SEL1L3: variants seen among roughly 807,000 people sequenced by gnomAD.
SEL1L3 encodes the protein protein sel-1 homolog 3.
Under a neutral mutation model 142.8 loss-of-function variants are expected in SEL1L3, and 76 were observed. That is an observed-to-expected ratio of 0.53 (90% CI 0.44 to 0.64). SEL1L3 has a LOEUF of 0.64. Ranked by LOEUF, SEL1L3 falls within the 30% of genes least tolerant of loss-of-function variation. SEL1L3 has a pLI of 0.00. For missense variants in SEL1L3, 1,262 were observed against 1,381.7 expected (o/e 0.91, Z 1.37); for synonymous variants, 504 against 519.6 (o/e 0.97, Z 0.41).
At chr4:25,838,543 G>A (rs750646282) in intron 2 of SEL1L3, among the ~76,000 whole-genome samples, 6 of 152,162 alleles carry the variant, frequency 3.9e-5, no homozygotes, top group Middle Eastern at 3.2e-3. Context: ...AGAGAACCTC[G>A]GCTGATATTC....
chr4:25,777,780 C>T, intron 16 of SEL1L3: 1 of 454,326 alleles, frequency 2.2e-6, no homozygotes, highest in South Asian at 1.6e-5. Flanking sequence ...AAGTTTATCA[C>T]CAAGGTCAGG....
intron 1 of SEL1L3, among the ~76,000 whole-genome samples, chr4:25,848,602 A>AAT (rs1273911849): frequency 6.6e-6 from 1 of 152,232 alleles, no homozygotes; most frequent in Non-Finnish European, 1.5e-5. Flanking sequence ...AGCTCTCCTA[A>AAT]ATATGACTTT....
chr4:25,722,306 C>G, the SEL1L3 span, among the ~76,000 whole-genome samples: 1 of 152,130 alleles, frequency 6.6e-6, no homozygotes, highest in African/African-American at 2.4e-5. Flanking sequence ...GTTACCTTCA[C>G]AAGATAAATT....
chr4:25,795,494 G>A (rs1275660415), intron 11 of SEL1L3, among the ~76,000 whole-genome samples: 1 of 152,150 alleles, frequency 6.6e-6, no homozygotes, highest in Non-Finnish European at 1.5e-5. Flanking sequence ...AACAATTTAG[G>A]GAGCTCATCC....
the SEL1L3 span, among the ~76,000 whole-genome samples, chr4:25,734,882 T>C: frequency 6.6e-6 from 1 of 152,194 alleles, no homozygotes; most frequent in Non-Finnish European, 1.5e-5. Flanking sequence ...TGTATCTATG[T>C]TTATGAGGAA....
At chr4:25,735,761 C>T in the SEL1L3 span, among the ~76,000 whole-genome samples, 15 of 149,406 alleles carry the variant, frequency 1.0e-4, no homozygotes, top group South Asian at 8.5e-4. Flanking sequence ...TTTCTAATAT[C>T]CTTTGTGATT....
the SEL1L3 span, among the ~76,000 whole-genome samples, chr4:25,737,276 C>T: frequency 1.3e-5 from 2 of 152,214 alleles, no homozygotes; most frequent in Admixed American, 1.3e-4. Context: ...AGTCACCACG[C>T]CCAGCCTCAG....
At chr4:25,844,139 G>A (rs900573335) in intron 2 of SEL1L3, among the ~76,000 whole-genome samples, 4 of 152,160 alleles carry the variant, frequency 2.6e-5, no homozygotes, top group Admixed American at 1.3e-4. Flanking sequence ...GGCTCAGCTC[G>A]GAGCCTCACT....
At chr4:25,783,091 C>T (rs1448165815) in intron 14 of SEL1L3, among the ~76,000 whole-genome samples, 1 of 152,228 alleles carries the variant, frequency 6.6e-6, no homozygotes, top group Non-Finnish European at 1.5e-5. Flanking sequence ...GAATAAAGCA[C>T]ATTAGACATC....
intron 17 of SEL1L3, among the ~76,000 whole-genome samples, chr4:25,769,740 T>C (rs1436594224): frequency 6.6e-6 from 1 of 152,224 alleles, no homozygotes. Context: ...GGAGACAGTG[T>C]AGACCTGCAA....
At chr4:25,735,826 C>CT in the SEL1L3 span, among the ~76,000 whole-genome samples, 1,721 of 101,594 alleles carry the variant, frequency 0.017, 81 homozygotes, top group African/African-American at 0.038. Context: ...TCTAACTATT[C>CT]TTTTTTTTTT....
intron 11 of SEL1L3, among the ~76,000 whole-genome samples, chr4:25,801,075 T>C (rs1713152237): frequency 6.6e-6 from 1 of 152,200 alleles, no homozygotes; most frequent in African/African-American, 2.4e-5. Flanking sequence ...TAGGCCTGTC[T>C]CTCAGAGCTG....
At chr4:25,795,989 A>G (rs777900380) in intron 11 of SEL1L3, among the ~76,000 whole-genome samples, 16 of 151,840 alleles carry the variant, frequency 1.1e-4, no homozygotes, top group Non-Finnish European at 2.2e-4. Context: ...ACTGGCAGGA[A>G]CCAAGCGTCC....
the SEL1L3 span, among the ~76,000 whole-genome samples, chr4:25,721,896 C>T: frequency 6.6e-6 from 1 of 152,190 alleles, no homozygotes; most frequent in African/African-American, 2.4e-5. Flanking sequence ...TGTGTTTGCA[C>T]AGTTGTGCTT....
intron 5 of SEL1L3, among the ~76,000 whole-genome samples, chr4:25,832,442 G>A (rs1023147272): frequency 2.0e-5 from 3 of 152,178 alleles, no homozygotes; most frequent in Admixed American, 6.5e-5. Flanking sequence ...AGAGTTTGAA[G>A]CAGTTATGTA....
At chr4:25,858,145 G>T (rs113750200) in intron 1 of SEL1L3, among the ~76,000 whole-genome samples, 5 of 152,180 alleles carry the variant, frequency 3.3e-5, no homozygotes, top group Non-Finnish European at 7.3e-5. Context: ...TGTTTCCAGC[G>T]AATTGCCTGG....
chr4:25,835,405 G>T, intron 2 of SEL1L3, 82 bp from the exon 3 acceptor site: 1 of 1,480,314 alleles, frequency 6.8e-7, no homozygotes, highest in Non-Finnish European at 9.3e-7. Context: ...GAAAGCCTCT[G>T]CTGAGCTCCA....
chr4:25,794,868 T>C (rs937690759), intron 11 of SEL1L3, among the ~76,000 whole-genome samples: 1 of 152,124 alleles, frequency 6.6e-6, no homozygotes, highest in Non-Finnish European at 1.5e-5. Context: ...TGAAATACTA[T>C]GCAGCCACAA....
At chr4:25,790,874 A>T (rs1046814661) in intron 11 of SEL1L3, among the ~76,000 whole-genome samples, 2 of 152,236 alleles carry the variant, frequency 1.3e-5, no homozygotes, top group Admixed American at 1.3e-4. Context: ...AAGACATGAC[A>T]TTATTCTTAA....
Sources: gnomAD v4.1 joint callset for allele counts (sites outside exome capture counted in the v4.1 genomes callset) on GRCh38, gnomAD v4.1.1 for gene constraint, MANE v1.5 for transcripts, NCBI Gene and HGNC (gene_info 2026-07-23, HGNC 2026-07-21) for gene names.